APBA2: variants seen among roughly 807,000 people sequenced by gnomAD.
The protein encoded by APBA2 is amyloid-beta A4 precursor protein-binding family A member 2.
APBA2 carries 30 observed loss-of-function variants against 75.0 expected under a neutral mutation model. That is an observed-to-expected ratio of 0.40 (90% CI 0.30 to 0.54). The LOEUF is 0.54. Ranked by LOEUF, APBA2 falls within the 20% of genes least tolerant of loss-of-function variation. APBA2 has a pLI of 0.49. For missense variants in APBA2, 801 were observed against 1,016.1 expected, an observed-to-expected ratio of 0.79 and a Z score of 2.88; for synonymous variants, 444 against 409.6, an observed-to-expected ratio of 1.08 and a Z score of -1.01.
intron 1 of APBA2, among the ~76,000 whole-genome samples, chr15:28,915,587 C>G (rs2033654625): frequency 1.3e-5 from 2 of 150,714 alleles, no homozygotes; most frequent in African/African-American, 4.9e-5. Flanking sequence ...AGCACCCATA[C>G]CACACACCGC....
rs555085353 is a variant in APBA2, at chr15:28,886,019, C to G, written c.-464C>G. 46 of 149,322 alleles carry G rather than the reference C, an allele frequency of 3.1e-4. No individual in the cohort carries two copies. Among genetic ancestry groups the G allele is most frequent in the African/African-American group, 1.1e-3 (45 of 41,138 alleles). The allele number at this position is 149,322 out of a possible 1,614,324, so 9.2% of individuals were successfully genotyped here. Reference sequence around the variant, plus strand: ...GGCGGAAGCGGCCGGGGCGGGGGCGCAGGCCCGGCAGCCGCAGGCCGGTGC... The same window carrying G: ...GGCGGAAGCGGCCGGGGCGGGGGCGGAGGCCCGGCAGCCGCAGGCCGGTGC... On this transcript the variant is annotated 5_prime_UTR_variant, in exon 1 of 15. Coordinates refer to ENST00000683413, the MANE Select transcript of APBA2 (RefSeq NM_001353788.2).
intron 2 of APBA2, among the ~76,000 whole-genome samples, chr15:28,983,973 G>A (rs1389507296): frequency 6.6e-6 from 1 of 152,214 alleles, no homozygotes; most frequent in African/African-American, 2.4e-5. Flanking sequence ...CCCTGCCCCA[G>A]GAACCTGGCT....
rs1355594038 is a variant in APBA2, at chr15:29,046,179, A to G, written c.-40-7666A>G. Reference sequence around the variant, plus strand: ...TAAGGCTGCAAACTGCTTCTGTGCAAAAGGCAATGTGTTAGTTCCTTGCAG... The same window carrying G: ...TAAGGCTGCAAACTGCTTCTGTGCAGAAGGCAATGTGTTAGTTCCTTGCAG... On this transcript the variant is annotated intron_variant, in intron 3 of 14. Transcript: ENST00000683413. This position sits in a 1 kb window ranked among gnomAD's most constrained non-coding sequence, Gnocchi z 5.0. Among the ~76,000 whole-genome samples, 1 of 152,234 alleles carries G rather than the reference A, an allele frequency of 6.6e-6. No individual in the cohort carries two copies. The highest frequency in any genetic ancestry group is 2.4e-5 in the African/African-American group (1 of 41,460).
At chr15:29,114,306 C>G (rs1407653427) in intron 14 of APBA2, among the ~76,000 whole-genome samples, 1 of 152,234 alleles carries the variant, frequency 6.6e-6, no homozygotes, top group African/African-American at 2.4e-5. Flanking sequence ...GCAGGGCACA[C>G]AGCTCTGGCC....
At chr15:29,090,344 G>C (rs1280103533) in intron 6 of APBA2, among the ~76,000 whole-genome samples, 1 of 152,232 alleles carries the variant, frequency 6.6e-6, no homozygotes, top group Non-Finnish European at 1.5e-5. Context: ...GGGCCCCAGA[G>C]CTACTGACGC....
At chr15:28,959,355 C>T (rs2036344301) in intron 2 of APBA2, among the ~76,000 whole-genome samples, 1 of 152,226 alleles carries the variant, frequency 6.6e-6, no homozygotes, top group Non-Finnish European at 1.5e-5. Flanking sequence ...CCCAGGACCT[C>T]AGAATGTGAC....
intron 4 of APBA2, among the ~76,000 whole-genome samples, chr15:29,070,298 G>A (rs146421240): frequency 2.0e-5 from 3 of 152,282 alleles, no homozygotes; most frequent in South Asian, 2.1e-4. Flanking sequence ...GGTAGATAGC[G>A]AATAATTTTT....
chr15:29,052,533 C>T (rs1325072317), intron 3 of APBA2, among the ~76,000 whole-genome samples: 1 of 151,758 alleles, frequency 6.6e-6, no homozygotes, highest in Non-Finnish European at 1.5e-5. Context: ...TAGCCCCTTG[C>T]TTTCCCCCAG....
rs1431983807 is a variant in APBA2 at position 28,897,264 on chromosome 15, GC to G, written c.-205+10987del. On this transcript the variant is annotated intron_variant, in intron 1 of 14. Coordinates refer to ENST00000683413, the MANE Select transcript of APBA2 (RefSeq NM_001353788.2). ...CCACTCCATTAGTCATCAGGGAGAT[GC>G]AAAATGAATTGTAAATGGGACACCA... 2.6e-5 allele frequency among the ~76,000 whole-genome samples: 4 copies of G among 151,882 alleles called. No homozygotes were observed. The East Asian group carries it at 5.8e-4, about 22-fold the overall frequency.
intron 6 of APBA2, 36 bp from the exon 7 acceptor site, chr15:29,093,039 C>T: frequency 1.9e-6 from 3 of 1,613,768 alleles, no homozygotes; most frequent in Non-Finnish European, 1.7e-6. Context: ...GGGGACTTCT[C>T]CTCTAGGAAG....
intron 2 of APBA2, among the ~76,000 whole-genome samples, chr15:28,994,957 G>C (rs1428129669): frequency 6.6e-6 from 1 of 152,180 alleles, no homozygotes; most frequent in East Asian, 1.9e-4. Flanking sequence ...CTTTTTGAAA[G>C]GAACACAGAA....
chr15:29,028,768 G>A (rs1013575438), intron 3 of APBA2, among the ~76,000 whole-genome samples: 7 of 152,096 alleles, frequency 4.6e-5, no homozygotes, highest in African/African-American at 1.7e-4. Flanking sequence ...GTGATGTTGA[G>A]CTTTTTTTCA....
chr15:29,089,060 T>A (rs2043427706), intron 6 of APBA2, among the ~76,000 whole-genome samples: 2 of 152,174 alleles, frequency 1.3e-5, no homozygotes. Flanking sequence ...CCCTGTCCCT[T>A]CCTTCCCAGG....
rs2038518866 is a variant in APBA2, at chr15:28,996,330, T to C, written c.-41+524T>C. ...AAGCTGAGCAGAAGAAATCTAACTTTGATAAAAAGAGGCCTCCTCATCTTG... is the reference window on the plus strand; with the variant it reads ...AAGCTGAGCAGAAGAAATCTAACTTCGATAAAAAGAGGCCTCCTCATCTTG... On this transcript the variant is annotated intron_variant, in intron 3 of 14. Coordinates refer to ENST00000683413, the MANE Select transcript of APBA2 (RefSeq NM_001353788.2). Among the ~76,000 whole-genome samples, 3 of 152,100 alleles carry C rather than the reference T, an allele frequency of 2.0e-5. No individual in the cohort carries two copies. In the South Asian group the frequency reaches 6.2e-4, roughly 32 times the overall value.
intron 1 of APBA2, among the ~76,000 whole-genome samples, chr15:28,914,961 A>G (rs2033597201): frequency 6.6e-6 from 1 of 151,004 alleles, no homozygotes; most frequent in Admixed American, 6.6e-5. Context: ...CACCTCACAC[A>G]CACCACACGC....
At chr15:28,949,285 C>A (rs968548615) in intron 2 of APBA2, among the ~76,000 whole-genome samples, 1 of 152,098 alleles carries the variant, frequency 6.6e-6, no homozygotes, top group African/African-American at 2.4e-5. Flanking sequence ...GGAATACTTG[C>A]AAGGAGCAGA....
chr15:28,912,116 T>C (rs1337023216), intron 1 of APBA2, among the ~76,000 whole-genome samples: 1 of 152,210 alleles, frequency 6.6e-6, no homozygotes, highest in African/African-American at 2.4e-5. Flanking sequence ...TATTTTGACT[T>C]CTATTAAATG....
chr15:29,058,395 C>T (rs1196696753), intron 4 of APBA2, among the ~76,000 whole-genome samples: 1 of 152,058 alleles, frequency 6.6e-6, no homozygotes, highest in Non-Finnish European at 1.5e-5. Context: ...CCAGTAATCC[C>T]AGCTACTCAG....
intron 6 of APBA2, among the ~76,000 whole-genome samples, chr15:29,090,774 G>A (rs2043524122): frequency 6.6e-6 from 1 of 152,186 alleles, no homozygotes; most frequent in Admixed American, 6.5e-5. Flanking sequence ...GGGGGTGCCT[G>A]TTGAGCCATG....
Sources: allele counts gnomAD v4.1 joint callset (sites outside exome capture counted in the v4.1 genomes callset), GRCh38; gene constraint gnomAD v4.1.1; non-coding constraint Gnocchi (gnomAD v3.1); transcripts MANE v1.5; gene names NCBI Gene and HGNC (gene_info 2026-07-23, HGNC 2026-07-21).